Variants in MEF2C observed in about 807,000 individuals in gnomAD.
MEF2C encodes the protein myocyte-specific enhancer factor 2C.
In MEF2C, 6 loss-of-function variants were observed where a neutral mutation model predicts 50.5. The ratio of observed to expected loss-of-function variants is 0.12; its 90% CI spans 0.07 to 0.23. MEF2C has a LOEUF of 0.23. Among genes scored for constraint, MEF2C ranks in the 10% least tolerant of loss-of-function variants. The probability of loss-of-function intolerance (pLI) is 1.00; values close to 1 mark genes in which losing one functional copy is unlikely to be tolerated. For missense variants in MEF2C, 276 were observed against 605.0 expected (o/e 0.46, Z 5.70); for synonymous variants, 183 against 228.0 (o/e 0.80, Z 1.78).
intron 3 of MEF2C, among the ~76,000 whole-genome samples, chr5:88,765,221 C>T (rs1779544464): frequency 6.6e-6 from 1 of 152,128 alleles, no homozygotes; most frequent in African/African-American, 2.4e-5. Flanking sequence ...GATATACAAA[C>T]ACAAAGCTGA....
intron 1 of MEF2C, among the ~76,000 whole-genome samples, chr5:88,840,414 A>G (rs1348843579): frequency 6.6e-6 from 1 of 152,154 alleles, no homozygotes; most frequent in Non-Finnish European, 1.5e-5. Flanking sequence ...TCATCATTTC[A>G]CATCAGATTT....
At chr5:88,813,852 T>A (rs2153151733) in intron 2 of MEF2C, among the ~76,000 whole-genome samples, 1 of 152,252 alleles carries the variant, frequency 6.6e-6, no homozygotes, top group South Asian at 2.1e-4. Context: ...AATTCTATTT[T>A]CAAAGGTTTG....
chr5:88,807,394 C>T (rs143963766), intron 2 of MEF2C, among the ~76,000 whole-genome samples: 16 of 152,114 alleles, frequency 1.1e-4, no homozygotes, highest in South Asian at 8.3e-4. Context: ...CTGGCTTTAT[C>T]TTTGTTTGTA....
At chr5:88,831,937 A>G (rs1364296843) in intron 1 of MEF2C, among the ~76,000 whole-genome samples, 2 of 152,104 alleles carry the variant, frequency 1.3e-5, no homozygotes, top group Non-Finnish European at 2.9e-5. Flanking sequence ...ACTGGCCCCA[A>G]TTAAACCACA....
rs550065320 is a variant in MEF2C, at chr5:88,768,405, G to A, written c.259-7077C>T. ...GGCTGGAGGCAAAGGCTGTAGTAGG[G>A]TCCAGACCCCTTGATACATATTTAC... On this transcript the variant is annotated intron_variant, in intron 3 of 10. Coordinates refer to ENST00000504921, the MANE Select transcript of MEF2C (RefSeq NM_002397.5). Among the ~76,000 whole-genome samples, 285 of 152,270 alleles carry A rather than the reference G, an allele frequency of 1.9e-3. 1 individual carries two copies. The highest frequency in any genetic ancestry group is 6.8e-3 in the Middle Eastern group (2 of 294).
intron 6 of MEF2C, chr5:88,746,713 C>A (rs1769858725): frequency 1.0e-6 from 1 of 984,816 alleles, no homozygotes; most frequent in Non-Finnish European, 1.2e-6. Context: ...ATATATTCAG[C>A]CTGACATATG....
chr5:88,825,460 C>T (rs1393030017), intron 1 of MEF2C: 1 of 980,342 alleles, frequency 1.0e-6, no homozygotes, highest in African/African-American at 1.8e-5. Context: ...ACACAGTGCT[C>T]ATCAAAAACT....
intron 6 of MEF2C, among the ~76,000 whole-genome samples, chr5:88,744,393 A>G (rs192566749): frequency 7.2e-5 from 11 of 152,212 alleles, no homozygotes; most frequent in Non-Finnish European, 1.5e-4. Flanking sequence ...TCTCTACTAA[A>G]ATACAGAATA....
chr5:88,736,822 G>A, intron 6 of MEF2C: 1 of 985,330 alleles, frequency 1.0e-6, no homozygotes, highest in Non-Finnish European at 1.2e-6. Flanking sequence ...AATGGTCACA[G>A]CCTGCCTTAT....
chr5:88,735,209 A>G (rs1286092514), intron 6 of MEF2C: 4 of 985,284 alleles, frequency 4.1e-6, no homozygotes, highest in Middle Eastern at 5.2e-4. Flanking sequence ...CTCACTCAGA[A>G]TGCTGCGGCC....
chr5:88,790,246 T>C (rs889357082), intron 3 of MEF2C, among the ~76,000 whole-genome samples: 19 of 152,234 alleles, frequency 1.2e-4, no homozygotes, highest in Admixed American at 4.6e-4. Context: ...ATAGCATGAT[T>C]CTAACCCTCC....
chr5:88,738,659 T>C lies in MEF2C; in HGVS notation c.638-6758A>G, dbSNP rs887719926. 1.4e-5 allele frequency: 14 copies of C among 985,078 alleles called. No individual in the cohort carries two copies. In the African/African-American group the frequency reaches 2.4e-4, roughly 17 times the overall value. The allele number at this position is 985,078 out of a possible 1,614,324, so 61.0% of individuals were successfully genotyped here. On this transcript the variant is annotated intron_variant, in intron 6 of 10. Coordinates refer to ENST00000504921, the MANE Select transcript of MEF2C (RefSeq NM_002397.5). ...ATAGTGAAAGCCTTTCTATGTCGAG[T>C]CTCATTTGCAAATTATGGGGATACA...
intron 1 of MEF2C, among the ~76,000 whole-genome samples, chr5:88,832,237 G>A (rs935355962): frequency 3.9e-5 from 6 of 152,108 alleles, no homozygotes; most frequent in African/African-American, 1.2e-4. Flanking sequence ...AATAATACAC[G>A]TGTTTAAACA....
At position 88,816,592 on chromosome 5, in the gene MEF2C, T is replaced by C. The variant is rs533911523; in HGVS notation, c.54+7143A>G. The stretch of plus-strand genomic sequence containing the variant: ...AATTCCAAATCTTTGAATAAAAACT[T>C]TTCCCTTGGTAATTTTAAGATTAAT... On this transcript the variant is annotated intron_variant, in intron 2 of 10. Transcript: ENST00000504921. Among the ~76,000 whole-genome samples the C allele has an allele frequency of 1.2e-4, 18 of 151,708 alleles. 1 individual carries two copies. In the South Asian group the frequency reaches 3.7e-3, roughly 31 times the overall value.
chr5:88,763,788 G>A (rs1325066546), intron 3 of MEF2C, among the ~76,000 whole-genome samples: 1 of 151,778 alleles, frequency 6.6e-6, no homozygotes, highest in African/African-American at 2.4e-5. Context: ...CTGGGCAGTT[G>A]GTACTACAGG....
chr5:88,737,260 C>A (rs539732833), intron 6 of MEF2C: 1 of 985,270 alleles, frequency 1.0e-6, no homozygotes, highest in African/African-American at 1.7e-5. Flanking sequence ...TGACCAAGTA[C>A]ACTATTGAGA....
At position 88,717,631 on chromosome 5, in the gene MEF2C, C is replaced by A. The variant is rs922596735; in HGVS notation, c.*4973G>T. On this transcript the variant is annotated 3_prime_UTR_variant, in exon 11 of 11. Coordinates refer to ENST00000504921, the MANE Select transcript of MEF2C (RefSeq NM_002397.5). ...AGATATCACTACTAATGCAAAAGTCCAAGTTCTCCAGCTGGCTAACTGGTG... is the reference window on the plus strand; with the variant it reads ...AGATATCACTACTAATGCAAAAGTCAAAGTTCTCCAGCTGGCTAACTGGTG... 14 of 152,290 alleles carry A rather than the reference C, an allele frequency of 9.2e-5. No homozygotes were observed. Among genetic ancestry groups the A allele is most frequent in the African/African-American group, 2.9e-4 (12 of 41,560 alleles). The allele number at this position is 152,290 out of a possible 1,614,324, so 9.4% of individuals were successfully genotyped here.
chr5:88,764,540 T>C (rs1779142464), intron 3 of MEF2C, among the ~76,000 whole-genome samples: 1 of 150,776 alleles, frequency 6.6e-6, no homozygotes, highest in Admixed American at 6.7e-5. Flanking sequence ...CCAGGCGTGG[T>C]GGCTCTCGCC....
intron 10 of MEF2C, among the ~76,000 whole-genome samples, chr5:88,723,498 G>T (rs1381578616): frequency 6.6e-6 from 1 of 152,194 alleles, no homozygotes; most frequent in African/African-American, 2.4e-5. Flanking sequence ...CACAATAACT[G>T]TATCTGGTAA....
Sources: gnomAD v4.1 joint callset for allele counts (sites outside exome capture counted in the v4.1 genomes callset) on GRCh38, gnomAD v4.1.1 for gene constraint, MANE v1.5 for transcripts, NCBI Gene and HGNC (gene_info 2026-07-23, HGNC 2026-07-21) for gene names.